CHST9: variants seen among roughly 807,000 people sequenced by gnomAD.
The protein encoded by CHST9 is carbohydrate sulfotransferase 9.
In CHST9, 41 loss-of-function variants were observed where a neutral mutation model predicts 44.4. The observed-to-expected ratio is 0.92, with a 90% CI of 0.72 to 1.20. CHST9 has a LOEUF of 1.20. Among genes scored for constraint, CHST9 ranks in the 50% most tolerant of loss-of-function variants. The pLI is 0.00. For missense variants in CHST9, 504 were observed against 516.5 expected, an observed-to-expected ratio of 0.98 and a Z score of 0.23; for synonymous variants, 171 against 178.4, an observed-to-expected ratio of 0.96 and a Z score of 0.33.
chr18:27,175,082 C>G (rs1224738082), intron 1 of CHST9, among the ~76,000 whole-genome samples: 1 of 151,972 alleles, frequency 6.6e-6, no homozygotes, highest in Non-Finnish European at 1.5e-5. Context: ...TATAGGTCTT[C>G]CTTAACTATT....
chr18:27,065,683 T>C (rs2057775072), intron 2 of CHST9, among the ~76,000 whole-genome samples: 1 of 149,244 alleles, frequency 6.7e-6, no homozygotes, highest in Non-Finnish European at 1.5e-5. Flanking sequence ...GGTGAATATA[T>C]AAATATGGTA....
intron 2 of CHST9, among the ~76,000 whole-genome samples, chr18:27,096,110 T>C (rs1296719582): frequency 6.6e-6 from 1 of 151,946 alleles, no homozygotes; most frequent in Admixed American, 6.6e-5. Context: ...GGAGTGAAAA[T>C]ATACATCAAT....
In CHST9 at chr18:27,185,296, G is replaced by C. The variant is rs1265197492; in HGVS notation, c.-257C>G. Reference sequence around the variant, plus strand: ...CCGGGAGCGGGGACAGCTCGGAGTCGGGCGCTCACCCTGGCCCTGACCCTC... The same window carrying C: ...CCGGGAGCGGGGACAGCTCGGAGTCCGGCGCTCACCCTGGCCCTGACCCTC... On this transcript the variant is annotated 5_prime_UTR_variant, in exon 1 of 6. Coordinates refer to ENST00000618847, the MANE Select transcript of CHST9 (RefSeq NM_031422.6). 6.6e-6 allele frequency: 1 copy of C among 151,512 alleles called. No individual in the cohort carries two copies. Among genetic ancestry groups the C allele is most frequent in the Non-Finnish European group, 1.5e-5 (1 of 67,818 alleles). The allele number at this position is 151,512 out of a possible 1,614,324, so 9.4% of individuals were successfully genotyped here.
intron 4 of CHST9, among the ~76,000 whole-genome samples, chr18:27,016,466 G>A (rs186861179): frequency 1.3e-5 from 2 of 152,298 alleles, no homozygotes; most frequent in African/African-American, 4.8e-5. Context: ...CCCTGTTCCT[G>A]TCTTTATAGC....
At chr18:27,107,432 CAA>C (rs768571253) in intron 2 of CHST9, among the ~76,000 whole-genome samples, 3 of 152,110 alleles carry the variant, frequency 2.0e-5, no homozygotes, top group Non-Finnish European at 4.4e-5. Context: ...ATAAAAACAG[CAA>C]AGACTTGTAT....
intron 4 of CHST9, among the ~76,000 whole-genome samples, chr18:26,961,029 T>A (rs2056392103): frequency 6.6e-6 from 1 of 152,322 alleles, no homozygotes; most frequent in South Asian, 2.1e-4. Context: ...CATTCTTCAC[T>A]CAGTTCTCCC....
chr18:27,167,000 A>T (rs888435715), intron 1 of CHST9, among the ~76,000 whole-genome samples: 1 of 152,210 alleles, frequency 6.6e-6, no homozygotes, highest in Non-Finnish European at 1.5e-5. Context: ...AATGACTAGG[A>T]GCATAAGGAT....
At chr18:27,085,533 A>G (rs1037724625) in intron 2 of CHST9, among the ~76,000 whole-genome samples, 2 of 152,080 alleles carry the variant, frequency 1.3e-5, no homozygotes, top group African/African-American at 2.4e-5. Flanking sequence ...CAAAATCACT[A>G]ATCATCAGAG....
chr18:27,148,169 T>C (rs2058629663), intron 1 of CHST9, among the ~76,000 whole-genome samples: 1 of 152,152 alleles, frequency 6.6e-6, no homozygotes, highest in Non-Finnish European at 1.5e-5. Flanking sequence ...TCTAGCTCCA[T>C]CCACGTTTCC....
At chr18:27,158,899 T>A (rs2058720902) in intron 1 of CHST9, among the ~76,000 whole-genome samples, 1 of 152,284 alleles carries the variant, frequency 6.6e-6, no homozygotes, top group Admixed American at 6.5e-5. Flanking sequence ...TGCATAAATG[T>A]CTTCTTTTGA....
intron 2 of CHST9, among the ~76,000 whole-genome samples, chr18:27,102,633 A>G (rs2058185167): frequency 6.6e-6 from 1 of 152,254 alleles, no homozygotes; most frequent in Non-Finnish European, 1.5e-5. Flanking sequence ...AAAATTTGAT[A>G]TTAAGCTTTG....
chr18:26,958,488 A>T (rs1353547998), intron 4 of CHST9, among the ~76,000 whole-genome samples: 1 of 152,048 alleles, frequency 6.6e-6, no homozygotes, highest in Non-Finnish European at 1.5e-5. Context: ...AAAAATTGAC[A>T]AGTGGGACCT....
intron 4 of CHST9, among the ~76,000 whole-genome samples, chr18:26,995,656 G>A (rs940034036): frequency 6.6e-6 from 1 of 152,162 alleles, no homozygotes; most frequent in Admixed American, 6.5e-5. Context: ...TTTTCAAGCT[G>A]TAGCTTGGGA....
chr18:27,027,984 C>T (rs2057300994), intron 3 of CHST9, among the ~76,000 whole-genome samples: 1 of 152,200 alleles, frequency 6.6e-6, no homozygotes, highest in Admixed American at 6.5e-5. Context: ...ACTGCAACCT[C>T]CTCCCACTGC....
chr18:27,069,736 C>G (rs2057819281), intron 2 of CHST9, among the ~76,000 whole-genome samples: 1 of 152,158 alleles, frequency 6.6e-6, no homozygotes, highest in South Asian at 2.1e-4. Flanking sequence ...GACCTGTCTT[C>G]TATTGCTACA....
At chr18:27,020,728 T>C (rs1207870543) in intron 4 of CHST9, among the ~76,000 whole-genome samples, 1 of 152,220 alleles carries the variant, frequency 6.6e-6, no homozygotes, top group African/African-American at 2.4e-5. Context: ...ATATAGCCTA[T>C]ATTTCCTTTA....
At chr18:27,110,092 A>T (rs915468207) in intron 2 of CHST9, among the ~76,000 whole-genome samples, 8 of 151,862 alleles carry the variant, frequency 5.3e-5, no homozygotes, top group African/African-American at 1.9e-4. Context: ...CTACTATAAA[A>T]GTGTAAAGAT....
At chr18:27,094,647 A>G (rs1479993652) in intron 2 of CHST9, among the ~76,000 whole-genome samples, 2 of 152,224 alleles carry the variant, frequency 1.3e-5, no homozygotes, top group African/African-American at 4.8e-5. Context: ...AGAAAAAGCA[A>G]TGGTCAGAAG....
At chr18:26,989,903 T>G (rs2056796652) in intron 4 of CHST9, among the ~76,000 whole-genome samples, 1 of 152,082 alleles carries the variant, frequency 6.6e-6, no homozygotes, top group Non-Finnish European at 1.5e-5. Flanking sequence ...TGAGCCAAGA[T>G]CATGCCACTG....
Sources: gnomAD v4.1 joint callset for allele counts (sites outside exome capture counted in the v4.1 genomes callset) on GRCh38, gnomAD v4.1.1 for gene constraint, MANE v1.5 for transcripts, NCBI Gene and HGNC (gene_info 2026-07-23, HGNC 2026-07-21) for gene names.